DNAJB7: variants seen among roughly 807,000 people sequenced by gnomAD.
DNAJB7 encodes dnaJ homolog subfamily B member 7.
In DNAJB7, 1 loss-of-function variant was observed where a neutral mutation model predicts 1.2. That is an observed-to-expected ratio of 0.84 (90% confidence interval 0.30 to 4.01). The LOEUF is 4.01. Ranked by LOEUF, DNAJB7 falls within the 30% of genes most tolerant of loss-of-function variation. DNAJB7 has a pLI of 0.18. For missense variants in DNAJB7, 420 were observed against 358.5 expected, an observed-to-expected ratio of 1.17 and a Z score of -1.39; for synonymous variants, 128 against 127.7, an observed-to-expected ratio of 1.00 and a Z score of -0.01.
In DNAJB7 at chr22:40,861,690, T is replaced by G; in HGVS notation, c.305A>C (p.His102Pro). The G allele has an allele frequency of 6.2e-7, 1 of 1,614,104 alleles. No individual in the cohort carries two copies. The highest frequency in any genetic ancestry group is 1.7e-5 in the Admixed American group (1 of 60,008). Residue 102 changes from histidine (H) to proline (P), a missense_variant, in exon 1 of 1, where the codon CAT becomes CCT. Coordinates refer to ENST00000307221, the MANE Select transcript of DNAJB7 (RefSeq NM_145174.2). Reference sequence around the variant, plus strand: ...GTGAAAAGAAAATGGATCCCTTTCATGAAAAATTTCTTTAAAAACATCATC... The same window carrying G: ...GTGAAAAGAAAATGGATCCCTTTCAGGAAAAATTTCTTTAAAAACATCATC... ...KPDDVFKEIF[H>P]ERDPFSFHFF...
rs908006754 is a variant in DNAJB7 at position 40,861,948 on chromosome 22, G to A, written c.47C>T (p.Pro16Leu). ...ATGATAAGCTTTTTTAATGTCCTCA[G>A]GTGAAGCATATCTTTGCAGTCCTAG... ...EVLGLQRYAS[P>L]EDIKKAYHKV... Residue 16 changes from proline (P) to leucine (L), a missense_variant, in exon 1 of 1, where the codon CCT becomes CTT. Coordinates refer to ENST00000307221, the MANE Select transcript of DNAJB7 (RefSeq NM_145174.2). The A allele has an allele frequency of 6.2e-7, 1 of 1,611,000 alleles. No individual in the cohort carries two copies. The highest frequency in any genetic ancestry group is 8.5e-7 in the Non-Finnish European group (1 of 1,179,214).
rs1167491418 is a variant in DNAJB7, at chr22:40,860,177, A to G, written c.*888T>C. The G allele has an allele frequency of 6.6e-6, 1 of 152,292 alleles. No homozygotes were observed. The highest frequency in any genetic ancestry group is 2.4e-5 in the African/African-American group (1 of 41,440). The allele number at this position is 152,292 out of a possible 1,614,324, so 9.4% of individuals were successfully genotyped here. A position where few individuals can be genotyped will look rare whatever the true frequency, so the allele number is the denominator to read the frequency against. On this transcript the variant is annotated 3_prime_UTR_variant, in exon 1 of 1. Coordinates refer to ENST00000307221, the MANE Select transcript of DNAJB7 (RefSeq NM_145174.2). ...CTACAACCTCAAACTCCTGGGCTCA[A>G]GCAATCCTCCCACCTCAGCCTCCTA...
Position 40,860,651 on chromosome 22 carries a change from A to G in DNAJB7, c.*414T>C, listed in dbSNP as rs1055792556. 26 of 1,320,566 alleles carry G rather than the reference A, an allele frequency of 2.0e-5. No individual in the cohort carries two copies. The African/African-American group carries it at 3.3e-4, about 17-fold the overall frequency. The allele number at this position is 1,320,566 out of a possible 1,614,324, so 81.8% of individuals were successfully genotyped here. On this transcript the variant is annotated 3_prime_UTR_variant, in exon 1 of 1. Transcript: ENST00000307221. ...GTAAAAAACTCATTGCAGTTTTCCAAATTCCTTTTTTTTTTTTTTAAGACA... is the reference window on the plus strand; with the variant it reads ...GTAAAAAACTCATTGCAGTTTTCCAGATTCCTTTTTTTTTTTTTTAAGACA...
Position 40,859,733 on chromosome 22 carries a change from A to C in DNAJB7, c.*1332T>G, listed in dbSNP as rs1360158518. ...TCTTTTAAAAATAGCAGATATTATA[A>C]TTTTTTTCTAATTTCGCATTTGTAT... On this transcript the variant is annotated 3_prime_UTR_variant, in exon 1 of 1. Transcript: ENST00000307221. 2 of 152,156 alleles carry C rather than the reference A, an allele frequency of 1.3e-5. No individual in the cohort carries two copies. The highest frequency in any genetic ancestry group is 4.8e-5 in the African/African-American group (2 of 41,432). 9.4% of individuals were successfully genotyped at this position (152,156 alleles called of 1,614,324 possible).
Position 40,861,797 on chromosome 22 carries a change from A to G in DNAJB7, c.198T>C (p.Asp66=). 1 of 1,613,400 alleles carries G rather than the reference A, an allele frequency of 6.2e-7. No individual in the cohort carries two copies. The highest frequency in any genetic ancestry group is 8.5e-7 in the Non-Finnish European group (1 of 1,179,842). ...CGTTTAATCCTTCTGTGCCATATTT[A>G]TCATAAATGTCCCGTTTCTCATCAT... is the stretch of plus-strand genomic sequence containing the variant. The part of the protein sequence containing the change: ...LSNDEKRDIY[D]KYGTEGLNGG... The change falls in exon 1 of 1, where the codon GAT becomes GAC. Residue 66 remains aspartate (D), a synonymous_variant. Coordinates refer to ENST00000307221, the MANE Select transcript of DNAJB7 (RefSeq NM_145174.2).
rs926589716 is a variant in DNAJB7 at position 40,859,656 on chromosome 22, G to T, written c.*1409C>A. The T allele has an allele frequency of 6.6e-6, 1 of 151,996 alleles. No homozygotes were observed. The highest frequency in any genetic ancestry group is 2.4e-5 in the African/African-American group (1 of 41,372). The allele number at this position is 151,996 out of a possible 1,614,324, so 9.4% of individuals were successfully genotyped here. ...TAAATAACCTTTCCTTCTCCCATCT[G>T]CCCACTAAAAATCAAATACCGATAC... On this transcript the variant is annotated 3_prime_UTR_variant, in exon 1 of 1. Transcript: ENST00000307221.
Position 40,861,378 on chromosome 22 carries a change from T to A in DNAJB7, c.617A>T (p.Glu206Val), listed in dbSNP as rs1290193273. 6.2e-7 allele frequency: 1 copy of A among 1,613,842 alleles called. No homozygotes were observed. ...TTCAGCTTCTCTTTCTTGATCACTT[T>A]CAATAATTTTCTTTGTATTAATATT... ...GRNINTKKII[E>V]SDQEREAEDN... is the part of the protein sequence containing the mutation. Residue 206 changes from glutamate (E) to valine (V), a missense_variant, in exon 1 of 1, where the codon GAA becomes GTA. Glu to Val is a moderately radical substitution (Grantham distance 121, BLOSUM62 -2). Coordinates refer to ENST00000307221, the MANE Select transcript of DNAJB7 (RefSeq NM_145174.2).
rs982110320 is a variant in DNAJB7 at position 40,859,749 on chromosome 22, G to A, written c.*1316C>T. 9 of 151,758 alleles carry A rather than the reference G, an allele frequency of 5.9e-5. No homozygotes were observed. The highest frequency in any genetic ancestry group is 2.1e-4 in the South Asian group (1 of 4,822). The allele number at this position is 151,758 out of a possible 1,614,324, so 9.4% of individuals were successfully genotyped here. A position where few individuals can be genotyped will look rare whatever the true frequency, so the allele number is the denominator to read the frequency against. ...GATATTATAATTTTTTTCTAATTTCGCATTTGTATTTGGCCAAAGTTGAAT... is the reference window on the plus strand; with the variant it reads ...GATATTATAATTTTTTTCTAATTTCACATTTGTATTTGGCCAAAGTTGAAT... On this transcript the variant is annotated 3_prime_UTR_variant, in exon 1 of 1. Transcript: ENST00000307221.
In DNAJB7 at chr22:40,861,080, G is replaced by A; in HGVS notation, c.915C>T (p.Thr305=). 6.3e-7 allele frequency: 1 copy of A among 1,588,902 alleles called. No homozygotes were observed. Among genetic ancestry groups the A allele is most frequent in the Non-Finnish European group, 8.5e-7 (1 of 1,170,438 alleles). ...KKRKEVQKKS[T]KRNC The stretch of plus-strand genomic sequence containing the variant: ...AAGAGTCAATTTAACAATTCCTTTT[G>A]GTAGACTTCTTTTGCACCTCTTTAC... Residue 305 remains threonine (T), a synonymous_variant, in exon 1 of 1, where the codon ACC becomes ACT. Coordinates refer to ENST00000307221, the MANE Select transcript of DNAJB7 (RefSeq NM_145174.2).
Position 40,860,990 on chromosome 22 carries a change from G to A in DNAJB7, c.*75C>T. The A allele has an allele frequency of 7.3e-7, 1 of 1,365,910 alleles. No individual in the cohort carries two copies. Among genetic ancestry groups the A allele is most frequent in the Admixed American group, 2.3e-5 (1 of 43,916 alleles). The allele number at this position is 1,365,910 out of a possible 1,614,324, so 84.6% of individuals were successfully genotyped here. On this transcript the variant is annotated 3_prime_UTR_variant, in exon 1 of 1. Coordinates refer to ENST00000307221, the MANE Select transcript of DNAJB7 (RefSeq NM_145174.2). Reference sequence around the variant, plus strand: ...TGAAAAGCTCTTAGTATAGTATTAAGTGTTATCTACAAAATTTGTGATTAA... The same window carrying A: ...TGAAAAGCTCTTAGTATAGTATTAAATGTTATCTACAAAATTTGTGATTAA...
At position 40,860,799 on chromosome 22, in the gene DNAJB7, C is replaced by A. The variant is rs1201067929; in HGVS notation, c.*266G>T. 1.4e-5 allele frequency: 9 copies of A among 635,052 alleles called. No homozygotes were observed. Among genetic ancestry groups the A allele is most frequent in the African/African-American group, 1.9e-5 (1 of 53,506 alleles). The allele number at this position is 635,052 out of a possible 1,614,324, so 39.3% of individuals were successfully genotyped here. The stretch of plus-strand genomic sequence containing the variant: ...CCGAGTAGCTGGGACTACAGGTGCA[C>A]ACCACCACACTTGGCTAATTTTTAA... On this transcript the variant is annotated 3_prime_UTR_variant, in exon 1 of 1. Transcript: ENST00000307221.
rs2057939988 is a variant in DNAJB7 at position 40,860,898 on chromosome 22, C to T, written c.*167G>A. The T allele has an allele frequency of 4.3e-6, 3 of 697,886 alleles. No individual in the cohort carries two copies. Among genetic ancestry groups the T allele is most frequent in the Non-Finnish European group, 6.9e-6 (3 of 434,110 alleles). 43.2% of individuals were successfully genotyped at this position (697,886 alleles called of 1,614,324 possible). The stretch of plus-strand genomic sequence containing the variant: ...TTAGCACCAACTGTCACCACAAACT[C>T]ATCCTTTTCTGACATACCCATTCAA... On this transcript the variant is annotated 3_prime_UTR_variant, in exon 1 of 1. Coordinates refer to ENST00000307221, the MANE Select transcript of DNAJB7 (RefSeq NM_145174.2).
rs759905288 is a variant in DNAJB7, at chr22:40,861,734, G to A, written c.261C>T (p.Gly87=). ...CATCATCTGGCTTATGGAATGTGAA[G>A]CCGTACTCACATTCATCATCAAAAT... ...GSHFDDECEY[G]FTFHKPDDVF... The change falls in exon 1 of 1, where the codon GGC becomes GGT. Residue 87 remains glycine, a synonymous_variant. Transcript: ENST00000307221. The A allele has an allele frequency of 1.2e-6, 2 of 1,613,694 alleles. No individual in the cohort carries two copies. Among genetic ancestry groups the A allele is most frequent in the African/African-American group, 1.3e-5 (1 of 74,878 alleles).
Position 40,861,766 on chromosome 22 carries a change from C to T in DNAJB7, c.229G>A (p.Gly77Arg), listed in dbSNP as rs1006184349. Residue 77 changes from glycine (G) to arginine (R), a missense_variant, in exon 1 of 1, where the codon GGA (glycine) becomes AGA (arginine). By Grantham distance (125) the Gly-to-Arg change is moderately radical (BLOSUM62 -2). Transcript: ENST00000307221. ...TCACATTCATCATCAAAATGACTTC[C>T]ACCTCCGTTTAATCCTTCTGTGCCA... ...KYGTEGLNGG[G>R]SHFDDECEYG... is the part of the protein sequence containing the mutation. 1.9e-6 allele frequency: 3 copies of T among 1,613,314 alleles called. No homozygotes were observed. In the African/African-American group the frequency reaches 4.0e-5, roughly 22 times the overall value.
At position 40,861,474 on chromosome 22, in the gene DNAJB7, A is replaced by C; in HGVS notation, c.521T>G (p.Leu174Arg). The change falls in exon 1 of 1, where the codon CTG becomes CGG. Residue 174 changes from leucine (L) to arginine (R), a missense_variant. Transcript: ENST00000307221. ...GTCCATCCCACTATTATCAAAAGCC[A>C]GGGAAGAGAAAGAAGTAAGGCCTTC... is the stretch of plus-strand genomic sequence containing the variant. ...GHEGLTSFSS[L>R]AFDNSGMDNY... 2 of 1,614,210 alleles carry C rather than the reference A, an allele frequency of 1.2e-6. No individual in the cohort carries two copies. Among genetic ancestry groups the C allele is most frequent in the Non-Finnish European group, 1.7e-6 (2 of 1,180,028 alleles).
At position 40,860,999 on chromosome 22, in the gene DNAJB7, A is replaced by G. The variant is rs999191193; in HGVS notation, c.*66T>C. Reference sequence around the variant, plus strand: ...CTTAGTATAGTATTAAGTGTTATCTACAAAATTTGTGATTAACCAAAACAC... The same window carrying G: ...CTTAGTATAGTATTAAGTGTTATCTGCAAAATTTGTGATTAACCAAAACAC... On this transcript the variant is annotated 3_prime_UTR_variant, in exon 1 of 1. Transcript: ENST00000307221. 9.6e-5 allele frequency: 139 copies of G among 1,454,186 alleles called. No homozygotes were observed. The highest frequency in any genetic ancestry group is 1.2e-4 in the Non-Finnish European group (132 of 1,078,334). The allele number at this position is 1,454,186 out of a possible 1,614,324, so 90.1% of individuals were successfully genotyped here. A position where few individuals can be genotyped will look rare whatever the true frequency, so the allele number is the denominator to read the frequency against.
Position 40,861,926 on chromosome 22 carries a change from A to G in DNAJB7, c.69T>C (p.Tyr23=), listed in dbSNP as rs757526795. Residue 23 remains tyrosine (Y), a synonymous_variant, in exon 1 of 1, where the codon TAT becomes TAC. Transcript: ENST00000307221. The part of the protein sequence containing the change: ...YASPEDIKKA[Y]HKVALKWHPD... Reference sequence around the variant, plus strand: ...GGTGCCATTTAAGTGCCACTTTATGATAAGCTTTTTTAATGTCCTCAGGTG... The same window carrying G: ...GGTGCCATTTAAGTGCCACTTTATGGTAAGCTTTTTTAATGTCCTCAGGTG... 7.4e-6 allele frequency: 12 copies of G among 1,613,194 alleles called. No homozygotes were observed. The highest frequency in any genetic ancestry group is 6.7e-5 in the East Asian group (3 of 44,884).
In DNAJB7 at chr22:40,860,912, A is replaced by G. The variant is rs945043884; in HGVS notation, c.*153T>C. 7 of 733,866 alleles carry G rather than the reference A, an allele frequency of 9.5e-6. No individual in the cohort carries two copies. In the African/African-American group the frequency reaches 1.2e-4, roughly 13 times the overall value. 45.5% of individuals were successfully genotyped at this position (733,866 alleles called of 1,614,324 possible). A position where few individuals can be genotyped will look rare whatever the true frequency, so the allele number is the denominator to read the frequency against. ...CACCACAAACTCATCCTTTTCTGACATACCCATTCAAAAAAACTACTAACC... is the reference window on the plus strand; with the variant it reads ...CACCACAAACTCATCCTTTTCTGACGTACCCATTCAAAAAAACTACTAACC... On this transcript the variant is annotated 3_prime_UTR_variant, in exon 1 of 1. Coordinates refer to ENST00000307221, the MANE Select transcript of DNAJB7 (RefSeq NM_145174.2).
At chr22:40,861,700 C>A in the DNAJB7 span, 60 of 1,613,916 alleles carry the variant, frequency 3.7e-5, no homozygotes, top group Non-Finnish European at 4.6e-5. Flanking sequence ...TGAAAAATTT[C>A]TTTAAAAACA....
Sources: gnomAD v4.1 joint callset for allele counts on GRCh38, gnomAD v4.1.1 for gene constraint, MANE v1.5 for transcripts, NCBI Gene and HGNC (gene_info 2026-07-23, HGNC 2026-07-21) for gene names.